ENPP6: variants seen among roughly 807,000 people sequenced by gnomAD.
The protein encoded by ENPP6 is glycerophosphocholine cholinephosphodiesterase ENPP6.
In ENPP6, 32 loss-of-function variants were observed where a neutral mutation model predicts 42.0. The observed-to-expected ratio is 0.76, with a 90% confidence interval of 0.58 to 1.02. The LOEUF is 1.02. Ranked by LOEUF, ENPP6 falls within the 50% of genes least tolerant of loss-of-function variation. The probability of loss-of-function intolerance (pLI) is 0.00; values close to 1 mark genes in which losing one functional copy is unlikely to be tolerated. For missense variants in ENPP6, 552 were observed against 566.8 expected (o/e 0.97, Z 0.27); for synonymous variants, 213 against 216.0 (o/e 0.99, Z 0.12).
chr4:184,141,201 A>C (rs929312389), intron 2 of ENPP6, among the ~76,000 whole-genome samples: 3 of 152,130 alleles, frequency 2.0e-5, no homozygotes, highest in Non-Finnish European at 2.9e-5. Flanking sequence ...TGTTGTGTGA[A>C]TCCCAGGAGG....
At chr4:184,120,608 C>T (rs551851408) in intron 3 of ENPP6, among the ~76,000 whole-genome samples, 3 of 152,190 alleles carry the variant, frequency 2.0e-5, no homozygotes, top group African/African-American at 4.8e-5. Context: ...CCACGAATAT[C>T]CTGCAAATCG....
At chr4:184,141,280 C>T (rs57786419) in intron 2 of ENPP6, among the ~76,000 whole-genome samples, 144 of 152,244 alleles carry the variant, frequency 9.5e-4, no homozygotes, top group African/African-American at 3.2e-3. Flanking sequence ...GTGAAGTGGG[C>T]GAGCATTGCT....
At chr4:184,186,036 C>A (rs931883491) in intron 1 of ENPP6, among the ~76,000 whole-genome samples, 6 of 152,090 alleles carry the variant, frequency 3.9e-5, no homozygotes, top group African/African-American at 1.2e-4. Flanking sequence ...CTCAGCTGGT[C>A]CAGCAGAAAC....
chr4:184,208,937 C>G (rs1185872861), intron 1 of ENPP6, among the ~76,000 whole-genome samples: 1 of 143,412 alleles, frequency 7.0e-6, no homozygotes, highest in Non-Finnish European at 1.5e-5. Context: ...CCCTGACCCC[C>G]GAGCAGCCTA....
intron 1 of ENPP6, among the ~76,000 whole-genome samples, chr4:184,157,941 C>T (rs905767669): frequency 6.6e-6 from 1 of 152,014 alleles, no homozygotes; most frequent in African/African-American, 2.4e-5. Context: ...TAACAGTGGA[C>T]ATCTATAAGG....
At chr4:184,109,482 C>T (rs895975770) in intron 6 of ENPP6, among the ~76,000 whole-genome samples, 12 of 151,990 alleles carry the variant, frequency 7.9e-5, no homozygotes, top group African/African-American at 1.9e-4. Context: ...GCTACGGATC[C>T]GGGCGTGATA....
chr4:184,094,083 C>A (rs1387316202), intron 7 of ENPP6, among the ~76,000 whole-genome samples: 1 of 151,940 alleles, frequency 6.6e-6, no homozygotes, highest in African/African-American at 2.4e-5. Flanking sequence ...GAGTGCAAGA[C>A]CAGCCTGGGC....
intron 1 of ENPP6, among the ~76,000 whole-genome samples, chr4:184,173,904 G>A (rs770788504): frequency 5.9e-5 from 9 of 152,202 alleles, no homozygotes; most frequent in Non-Finnish European, 1.3e-4. Context: ...CACAGTGAGT[G>A]AGGAGGTGGG....
At position 184,216,342 on chromosome 4, in the gene ENPP6, C is replaced by A. The variant is rs370493019; in HGVS notation, c.241+1237G>T. 5.6e-4 allele frequency among the ~76,000 whole-genome samples: 86 copies of A among 152,294 alleles called. No individual in the cohort carries two copies. In the South Asian group the frequency reaches 0.017, roughly 30 times the overall value. On this transcript the variant is annotated intron_variant, in intron 1 of 7. Coordinates refer to ENST00000296741, the MANE Select transcript of ENPP6 (RefSeq NM_153343.4). ...AAAAAACAAATACATAACTTCCTTG[C>A]TTGTGTGCAGTCTGATTTTTTTCTC...
chr4:184,197,067 T>A (rs1732812145), intron 1 of ENPP6, among the ~76,000 whole-genome samples: 1 of 152,180 alleles, frequency 6.6e-6, no homozygotes. Flanking sequence ...AGGCTGAGAG[T>A]GAATTCCTTG....
At chr4:184,113,903 C>CTTTCTTTCTTTCTTTTCT (rs1467956257) in intron 5 of ENPP6, among the ~76,000 whole-genome samples, 1 of 60,892 alleles carries the variant, frequency 1.6e-5, no homozygotes, top group Admixed American at 1.9e-4. Context: ...TCTTTCTTTT[C>CTTTCTTTCTTTCTTTTCT]TTTCTTTCTT....
chr4:184,130,794 A>T (rs1560987045), intron 2 of ENPP6, among the ~76,000 whole-genome samples: 1 of 152,036 alleles, frequency 6.6e-6, no homozygotes, highest in Admixed American at 6.5e-5. Context: ...TTCTAAAATA[A>T]ATGTTGCTTT....
chr4:184,201,286 C>T (rs1050867581), intron 1 of ENPP6, among the ~76,000 whole-genome samples: 4 of 152,162 alleles, frequency 2.6e-5, no homozygotes, highest in African/African-American at 7.2e-5. Context: ...CTGAAATGCC[C>T]TTTAACCCAC....
chr4:184,133,255 T>A (rs1237917052), intron 2 of ENPP6, among the ~76,000 whole-genome samples: 1 of 152,100 alleles, frequency 6.6e-6, no homozygotes, highest in African/African-American at 2.4e-5. Context: ...ACTGATAAAA[T>A]ACTAAGACTA....
At position 184,091,414 on chromosome 4, in the gene ENPP6, A is replaced by G. The variant is rs769647924; in HGVS notation, c.1118-32T>C. 3.2e-6 allele frequency: 5 copies of G among 1,577,518 alleles called. No individual in the cohort carries two copies. In the Admixed American group the frequency reaches 5.3e-5, roughly 17 times the overall value. On this transcript the variant is annotated intron_variant, in intron 7 of 7. Coordinates refer to ENST00000296741, the MANE Select transcript of ENPP6 (RefSeq NM_153343.4). ...GGGAAAGGCAAACAAACAAGTTGTC[A>G]TGGCAGCTCCAGGGCAGAGGTGGGC...
At position 184,089,197 on chromosome 4, in the gene ENPP6, T is replaced by A. The variant is rs1735742294; in HGVS notation, c.*1980A>T. On this transcript the variant is annotated 3_prime_UTR_variant, in exon 8 of 8. Coordinates refer to ENST00000296741, the MANE Select transcript of ENPP6 (RefSeq NM_153343.4). The stretch of plus-strand genomic sequence containing the variant: ...GCCTTCTTTCCAATTGATCCGATGG[T>A]TTACTGGCGCTTTTAAAACACATTA... 1 of 152,230 alleles carries A rather than the reference T, an allele frequency of 6.6e-6. No individual in the cohort carries two copies. Among genetic ancestry groups the A allele is most frequent in the African/African-American group, 2.4e-5 (1 of 41,466 alleles). The allele number at this position is 152,230 out of a possible 1,614,324, so 9.4% of individuals were successfully genotyped here. A position where few individuals can be genotyped will look rare whatever the true frequency, so the allele number is the denominator to read the frequency against.
At chr4:184,118,213 C>T (rs1560983522) in intron 3 of ENPP6, among the ~76,000 whole-genome samples, 1 of 152,204 alleles carries the variant, frequency 6.6e-6, no homozygotes. Context: ...GGTACGTGCA[C>T]ATTTAGCATT....
chr4:184,217,092 C>G (rs907197799), intron 1 of ENPP6: 1 of 152,876 alleles, frequency 6.5e-6, no homozygotes. Context: ...CCCAAGTAAT[C>G]CGGGAGCACC....
intron 2 of ENPP6, among the ~76,000 whole-genome samples, chr4:184,146,672 T>A (rs1736931055): frequency 6.6e-6 from 1 of 152,228 alleles, no homozygotes; most frequent in Non-Finnish European, 1.5e-5. Context: ...TTTTGGCCTC[T>A]GGAACAAGTG....
Sources: gnomAD v4.1 joint callset for allele counts (sites outside exome capture counted in the v4.1 genomes callset) on GRCh38, gnomAD v4.1.1 for gene constraint, MANE v1.5 for transcripts, NCBI Gene and HGNC (gene_info 2026-07-23, HGNC 2026-07-21) for gene names.